ZNF407: variants seen among roughly 807,000 people sequenced by gnomAD.
ZNF407 encodes the protein zinc finger protein 407.
A neutral mutation model predicts 131.2 loss-of-function variants in ZNF407; 17 were observed. The observed-to-expected ratio is 0.13, with a 90% CI of 0.09 to 0.19. ZNF407 has a LOEUF of 0.19. ZNF407 is among the 10% of genes least tolerant of loss of function. ZNF407 has a pLI of 1.00. For missense variants in ZNF407, 2,681 were observed against 2,830.6 expected (o/e 0.95, Z 1.20); for synonymous variants, 1,156 against 1,062.0 (o/e 1.09, Z -1.72).
intron 8 of ZNF407, among the ~76,000 whole-genome samples, chr18:74,958,042 C>G (rs368714942): frequency 6.6e-6 from 1 of 152,176 alleles, no homozygotes; most frequent in Admixed American, 6.5e-5. Flanking sequence ...TGTGAGCTCT[C>G]CCTTGTTTGG....
intron 8 of ZNF407, among the ~76,000 whole-genome samples, chr18:74,962,316 A>C (rs960661313): frequency 6.6e-6 from 1 of 152,250 alleles, no homozygotes; most frequent in Non-Finnish European, 1.5e-5. Context: ...CCAAACTGTA[A>C]GTATCTTCAC....
intron 8 of ZNF407, among the ~76,000 whole-genome samples, chr18:75,035,604 A>G (rs764577038): frequency 9.2e-5 from 14 of 152,252 alleles, no homozygotes; most frequent in Non-Finnish European, 2.1e-4. Flanking sequence ...GCCAGCAGTC[A>G]TGGAATAATG....
chr18:74,724,885 A>G lies in ZNF407; in HGVS notation c.4803-56543A>G, dbSNP rs1051911816. ...AATATTGGGTTTCAAAGTTAATAGT[A>G]ATGTTTAAAGTTGTTATTACACACA... On this transcript the variant is annotated intron_variant, in intron 3 of 8. Coordinates refer to ENST00000299687, the MANE Select transcript of ZNF407 (RefSeq NM_017757.3). 2.6e-5 allele frequency among the ~76,000 whole-genome samples: 4 copies of G among 152,344 alleles called. No homozygotes were observed. The East Asian group carries it at 7.7e-4, about 29-fold the overall frequency.
chr18:74,960,788 G>T (rs1415934088), intron 8 of ZNF407, among the ~76,000 whole-genome samples: 3 of 146,582 alleles, frequency 2.0e-5, no homozygotes, highest in Non-Finnish European at 4.5e-5. Flanking sequence ...ATAGGAGAAG[G>T]TCCTGAGTGA....
In ZNF407 at chr18:74,920,638, T is replaced by C. The variant is rs371597530; in HGVS notation, c.5374T>C (p.Leu1792=). 1 of 1,611,500 alleles carries C rather than the reference T, an allele frequency of 6.2e-7. No individual in the cohort carries two copies. The highest frequency in any genetic ancestry group is 1.1e-5 in the South Asian group (1 of 90,898). The part of the protein sequence containing the change: ...TNVPVEFRNH[L]KEQHPDIENP... ...CGTCCCGGTGGAGTTCCGGAACCAT[T>C]TGAAGGAACAGCATCCTGACATCGA... The change falls in exon 8 of 9, where the codon TTG becomes CTG. Residue 1792 remains leucine (L), a synonymous_variant. Transcript: ENST00000299687.
At chr18:74,860,662 C>T (rs1970925496) in intron 4 of ZNF407, among the ~76,000 whole-genome samples, 1 of 151,970 alleles carries the variant, frequency 6.6e-6, no homozygotes, top group Non-Finnish European at 1.5e-5. Context: ...TCAAACCGTA[C>T]CAGTGTGTTA....
chr18:74,715,692 T>C (rs550705531), intron 3 of ZNF407, among the ~76,000 whole-genome samples: 11 of 152,232 alleles, frequency 7.2e-5, no homozygotes, highest in Non-Finnish European at 1.3e-4. Flanking sequence ...ATGAGAATCT[T>C]TGACAAATTA....
chr18:74,888,112 T>C (rs538832681), intron 6 of ZNF407, among the ~76,000 whole-genome samples: 14 of 152,162 alleles, frequency 9.2e-5, no homozygotes, highest in Non-Finnish European at 1.9e-4. Flanking sequence ...AGTATACTCA[T>C]ACAGCTATCA....
chr18:74,978,098 C>T (rs574922351), intron 8 of ZNF407, among the ~76,000 whole-genome samples: 1 of 152,210 alleles, frequency 6.6e-6, no homozygotes, highest in South Asian at 2.1e-4. Context: ...AACGTGGAGT[C>T]CTGAAAGAGA....
In ZNF407 at chr18:74,824,197, G is replaced by C. The variant is rs143232456; in HGVS notation, c.4877+42695G>C. Among the ~76,000 whole-genome samples, 1,183 of 152,164 alleles carry C rather than the reference G, an allele frequency of 7.8e-3. 13 individuals carry two copies. Among genetic ancestry groups the C allele is most frequent in the African/African-American group, 0.026 (1,099 of 41,506 alleles). Reference sequence around the variant, plus strand: ...AAGACACAACGTACCAGAATCTCTGGGACACATTTAAAGAAGTGTGTAGAG... The same window carrying C: ...AAGACACAACGTACCAGAATCTCTGCGACACATTTAAAGAAGTGTGTAGAG... On this transcript the variant is annotated intron_variant, in intron 4 of 8. Coordinates refer to ENST00000299687, the MANE Select transcript of ZNF407 (RefSeq NM_017757.3).
chr18:74,754,614 G>C (rs1968885574), intron 3 of ZNF407, among the ~76,000 whole-genome samples: 1 of 152,196 alleles, frequency 6.6e-6, no homozygotes, highest in Non-Finnish European at 1.5e-5. Flanking sequence ...GTACCCAGTA[G>C]TCATTCAGGA....
At chr18:74,781,642 A>G (rs1969605018) in intron 4 of ZNF407, 140 bp downstream of exon 4, 2 of 594,230 alleles carry the variant, frequency 3.4e-6, no homozygotes, top group South Asian at 3.1e-5. Flanking sequence ...GTCAAATATC[A>G]TATTTTATGC....
chr18:74,708,758 G>A (rs753142514), intron 3 of ZNF407, among the ~76,000 whole-genome samples: 10 of 152,212 alleles, frequency 6.6e-5, no homozygotes, highest in South Asian at 2.1e-4. Flanking sequence ...CAGGAACCCC[G>A]CACGCGGCTT....
intron 4 of ZNF407, among the ~76,000 whole-genome samples, chr18:74,821,350 C>T (rs2145102383): frequency 6.6e-6 from 1 of 152,004 alleles, no homozygotes; most frequent in South Asian, 2.1e-4. Flanking sequence ...ATACACATGC[C>T]ATGGTGGTTT....
At chr18:74,700,573 A>G (rs1343689240) in intron 3 of ZNF407, among the ~76,000 whole-genome samples, 1 of 152,034 alleles carries the variant, frequency 6.6e-6, no homozygotes, top group East Asian at 1.9e-4. Flanking sequence ...CCTCCCCCCA[A>G]TTCTAGATCT....
At chr18:74,915,473 C>T (rs1369058336) in intron 7 of ZNF407, among the ~76,000 whole-genome samples, 10 of 18,286 alleles carry the variant, frequency 5.5e-4, no homozygotes, top group Admixed American at 3.0e-3. Flanking sequence ...TGGTTCGAAT[C>T]GGGAGTGTGT....
chr18:74,973,559 A>G (rs1391302924), intron 8 of ZNF407, among the ~76,000 whole-genome samples: 1 of 152,240 alleles, frequency 6.6e-6, no homozygotes, highest in Non-Finnish European at 1.5e-5. Flanking sequence ...CTCCAGTTTT[A>G]TAATTATTAC....
At chr18:74,788,629 A>C (rs572283300) in intron 4 of ZNF407, among the ~76,000 whole-genome samples, 1 of 150,404 alleles carries the variant, frequency 6.6e-6, no homozygotes, top group Non-Finnish European at 1.5e-5. Context: ...AAAAAAAAAA[A>C]CACCACCACA....
chr18:74,930,681 A>G (rs1031082877), intron 8 of ZNF407, among the ~76,000 whole-genome samples: 4 of 152,264 alleles, frequency 2.6e-5, no homozygotes, highest in South Asian at 4.1e-4. Context: ...ATCCAATACC[A>G]TTGTGGCTTA....
Sources: gnomAD v4.1 joint callset for allele counts (sites outside exome capture counted in the v4.1 genomes callset) on GRCh38, gnomAD v4.1.1 for gene constraint, MANE v1.5 for transcripts, NCBI Gene and HGNC (gene_info 2026-07-23, HGNC 2026-07-21) for gene names.